Variants in SPAST observed in about 807,000 individuals in gnomAD.
SPAST encodes spastin.
SPAST carries 30 observed loss-of-function variants against 76.6 expected under a neutral mutation model. The ratio of observed to expected loss-of-function variants is 0.39; its 90% confidence interval spans 0.29 to 0.53. The LOEUF (loss-of-function observed/expected upper bound fraction) is 0.53. Among genes scored for constraint, SPAST ranks in the 20% least tolerant of loss-of-function variants. The pLI, the probability that SPAST is intolerant of heterozygous loss-of-function variation, is 0.68. For synonymous variants in SPAST, 305 were observed against 281.0 expected, an observed-to-expected ratio of 1.09 and a Z score of -0.86; for missense variants, 717 against 770.5, an observed-to-expected ratio of 0.93 and a Z score of 0.82.
Position 32,063,621 on chromosome 2 carries a change from A to G in SPAST, c.-211A>G. 1.7e-6 allele frequency: 1 copy of G among 602,004 alleles called. No homozygotes were observed. The highest frequency in any genetic ancestry group is 2.8e-6 in the Non-Finnish European group (1 of 357,042). The allele number at this position is 602,004 out of a possible 1,614,324, so 37.3% of individuals were successfully genotyped here. On this transcript the variant is annotated 5_prime_UTR_variant, in exon 1 of 17. Transcript: ENST00000315285. ...CGACAGGAAGGGAGGGGCCCGAGCC[A>G]CCGACTGCAGGAGGAGAAGGGGTTG...
chr2:32,130,718 C>CAAAA (rs902989770), intron 9 of SPAST: 1 of 57,210 alleles, frequency 1.7e-5, no homozygotes, highest in African/African-American at 6.1e-5. Context: ...GACTCTGTCT[C>CAAAA]AAAAAAAAAA....
intron 16 of SPAST, among the ~76,000 whole-genome samples, chr2:32,148,420 C>G (rs998418816): frequency 1.3e-5 from 2 of 151,874 alleles, no homozygotes; most frequent in Non-Finnish European, 2.9e-5. Context: ...GCCTGTAATC[C>G]CAGCACTTTG....
At chr2:32,089,497 A>G in intron 2 of SPAST, 25 bp from the exon 3 acceptor site, 1 of 1,282,016 alleles carries the variant, frequency 7.8e-7, no homozygotes, top group Non-Finnish European at 1.1e-6. Flanking sequence ...AAATGTAGAT[A>G]TTTTAATTAA....
At position 32,144,107 on chromosome 2, in the gene SPAST, T is replaced by C. The variant is rs901314524; in HGVS notation, c.1616+692T>C. Among the ~76,000 whole-genome samples, 9 of 152,310 alleles carry C rather than the reference T, an allele frequency of 5.9e-5. No individual in the cohort carries two copies. In the East Asian group the frequency reaches 1.7e-3, roughly 29 times the overall value. ...CCCTGAAAAATGTCATAAAGTAATA[T>C]AAAGTATTCAATGAGTATGTGAGTA... On this transcript the variant is annotated intron_variant, in intron 14 of 16. Coordinates refer to ENST00000315285, the MANE Select transcript of SPAST (RefSeq NM_014946.4).
intron 9 of SPAST, among the ~76,000 whole-genome samples, chr2:32,130,810 A>G (rs1679347779): frequency 6.6e-6 from 1 of 151,924 alleles, no homozygotes; most frequent in Non-Finnish European, 1.5e-5. Flanking sequence ...GGCTCAAAGG[A>G]TAATTTTACT....
rs1169528128 is a variant in SPAST, at chr2:32,154,409, C to T, written c.1764C>T (p.Ser588=). 2 of 1,613,004 alleles carry T rather than the reference C, an allele frequency of 1.2e-6. No homozygotes were observed. Among genetic ancestry groups the T allele is most frequent in the Admixed American group, 3.3e-5 (2 of 60,018 alleles). Reference sequence around the variant, plus strand: ...TTCGATTATCTGACTTCACTGAATCCTTGAAAAAAATAAAACGCAGCGTCA... The same window carrying T: ...TTCGATTATCTGACTTCACTGAATCTTTGAAAAAAATAAAACGCAGCGTCA... ...RNIRLSDFTE[S]LKKIKRSVSP... The change falls in exon 17 of 17, where the codon TCC becomes TCT. Residue 588 remains serine, a synonymous_variant. Coordinates refer to ENST00000315285, the MANE Select transcript of SPAST (RefSeq NM_014946.4).
chr2:32,072,896 G>A (rs912404571), intron 1 of SPAST, among the ~76,000 whole-genome samples: 1 of 152,072 alleles, frequency 6.6e-6, no homozygotes, highest in Non-Finnish European at 1.5e-5. Flanking sequence ...ATTAAACTAA[G>A]GAATAAATCT....
chr2:32,088,601 G>T (rs777036941), intron 2 of SPAST, among the ~76,000 whole-genome samples: 1 of 152,142 alleles, frequency 6.6e-6, no homozygotes, highest in Non-Finnish European at 1.5e-5. Flanking sequence ...CCAAGATCGC[G>T]CCATTGCACT....
At chr2:32,136,438 C>T (rs1218105826) in intron 9 of SPAST, 125 bp from the exon 10 acceptor site, 1 of 763,624 alleles carries the variant, frequency 1.3e-6, no homozygotes, top group African/African-American at 1.7e-5. Context: ...CTTTCTCAAA[C>T]CAAATCTTTG....
chr2:32,109,729 A>G (rs1021228573), intron 4 of SPAST, among the ~76,000 whole-genome samples: 1 of 149,106 alleles, frequency 6.7e-6, no homozygotes, highest in East Asian at 1.9e-4. Context: ...AACTATATGT[A>G]TATATAACTA....
chr2:32,106,856 G>A (rs2148724195), intron 4 of SPAST, among the ~76,000 whole-genome samples: 1 of 151,504 alleles, frequency 6.6e-6, no homozygotes, highest in Admixed American at 6.6e-5. Flanking sequence ...TAGCGTGGCT[G>A]TGAAGGGCTG....
chr2:32,102,035 GA>G (rs1038116748), intron 4 of SPAST, among the ~76,000 whole-genome samples: 11 of 152,178 alleles, frequency 7.2e-5, no homozygotes, highest in African/African-American at 2.7e-4. Flanking sequence ...GCTTGATGGG[GA>G]TGGCATTGAA....
rs546287448 is a variant in SPAST at position 32,077,078 on chromosome 2, C to A, written c.416-10414C>A. On this transcript the variant is annotated intron_variant, in intron 1 of 16. Transcript: ENST00000315285. The stretch of plus-strand genomic sequence containing the variant: ...TTTAGTAGAGATGGGGTTTCACCAT[C>A]TTGGCCAGGCTGATCTCGAACTCTT... Among the ~76,000 whole-genome samples the A allele has an allele frequency of 2.6e-5, 4 of 152,148 alleles. No homozygotes were observed. The East Asian group carries it at 7.7e-4, about 29-fold the overall frequency.
At chr2:32,141,848 G>A (rs1679729765) in intron 12 of SPAST, 56 bp from the exon 13 acceptor site, 6 of 1,398,284 alleles carry the variant, frequency 4.3e-6, no homozygotes, top group African/African-American at 2.8e-5. Flanking sequence ...GTCATTTGCT[G>A]TTTCAGCTTT....
chr2:32,147,695 G>T (rs538523831), intron 16 of SPAST, among the ~76,000 whole-genome samples: 1 of 150,950 alleles, frequency 6.6e-6, no homozygotes, highest in South Asian at 2.1e-4. Context: ...GCAGTGGTGC[G>T]ATCTCAGCTC....
At position 32,143,433 on chromosome 2, in the gene SPAST, G is replaced by A. The variant is rs977979111; in HGVS notation, c.1616+18G>A. ...CTTGCTAGGTGAGTAATTTGGATTT[G>A]GTTTATCTTACAGCTTTTATTTATT... On this transcript the variant is annotated intron_variant, in intron 14 of 16. Coordinates refer to ENST00000315285, the MANE Select transcript of SPAST (RefSeq NM_014946.4). 37 of 1,468,146 alleles carry A rather than the reference G, an allele frequency of 2.5e-5. No homozygotes were observed. Among genetic ancestry groups the A allele is most frequent in the Middle Eastern group, 1.9e-4 (1 of 5,304 alleles). 90.9% of individuals were successfully genotyped at this position (1,468,146 alleles called of 1,614,324 possible).
chr2:32,126,840 A>G (rs1377196293), intron 7 of SPAST, 108 bp from the exon 8 acceptor site: 2 of 721,306 alleles, frequency 2.8e-6, no homozygotes, highest in Non-Finnish European at 5.0e-6. Flanking sequence ...AGCTATGGGC[A>G]GCTCTGTTTG....
intron 9 of SPAST, among the ~76,000 whole-genome samples, chr2:32,131,617 A>C (rs1679370219): frequency 6.6e-6 from 1 of 150,606 alleles, no homozygotes; most frequent in South Asian, 2.1e-4. Context: ...GGAAACTAGG[A>C]TTTGAGCTCC....
At chr2:32,147,346 T>G (rs915314677) in intron 16 of SPAST, 88 bp downstream of exon 16, 6 of 71,474 alleles carry the variant, frequency 8.4e-5, no homozygotes, top group South Asian at 3.9e-4. Context: ...GTGTGTGTGG[T>G]TTTTTTTTTT....
Sources: gnomAD v4.1 joint callset for allele counts (sites outside exome capture counted in the v4.1 genomes callset) on GRCh38, gnomAD v4.1.1 for gene constraint, MANE v1.5 for transcripts, NCBI Gene and HGNC (gene_info 2026-07-23, HGNC 2026-07-21) for gene names.